The following MPZL1 variants were observed in gnomAD, a reference collection of about 807,000 sequenced individuals.
MPZL1 encodes the protein myelin protein zero-like protein 1.
A neutral mutation model predicts 29.3 loss-of-function variants in MPZL1; 16 were observed. That is an observed-to-expected ratio of 0.55 (90% CI 0.37 to 0.83). The LOEUF (loss-of-function observed/expected upper bound fraction) is 0.83, where lower values mean the gene tolerates loss of function less well. MPZL1 is among the 40% of genes least tolerant of loss of function. MPZL1 has a pLI of 0.00. For synonymous variants in MPZL1, 143 were observed against 132.0 expected (o/e 1.08, Z -0.57); for missense variants, 279 against 332.9 (o/e 0.84, Z 1.26).
chr1:167,739,274 C>CATATATATAT (rs201991698), intron 1 of MPZL1, among the ~76,000 whole-genome samples: 62 of 83,196 alleles, frequency 7.5e-4, no homozygotes, highest in South Asian at 1.1e-3. Context: ...TACATATATA[C>CATATATATAT]ATATATACAT....
intron 4 of MPZL1, among the ~76,000 whole-genome samples, chr1:167,775,503 AT>A (rs1241397850): frequency 5.3e-5 from 8 of 152,302 alleles, no homozygotes; most frequent in African/African-American, 1.9e-4. Flanking sequence ...CTAATTTCTC[AT>A]TCATGACTTC....
intron 4 of MPZL1, 158 bp downstream of exon 4, chr1:167,773,526 A>T (rs1461670067): frequency 1.3e-6 from 1 of 784,082 alleles, no homozygotes; most frequent in Non-Finnish European, 1.9e-6. Flanking sequence ...TAACATGGGC[A>T]AGTGGAAATC....
Position 167,765,668 on chromosome 1 carries a change from G to A in MPZL1, c.177G>A (p.Lys59=), listed in dbSNP as rs1229082973. 6.2e-7 allele frequency: 1 copy of A among 1,613,806 alleles called. No homozygotes were observed. Among genetic ancestry groups the A allele is most frequent in the Non-Finnish European group, 8.5e-7 (1 of 1,179,806 alleles). ...GTACACAAGGGAAGCTGACCTGCAA[G>A]TTCAAGTCTACTAGTACGACTGGCG... The part of the protein sequence containing the change: ...ANGTQGKLTC[K]FKSTSTTGGL... The change falls in exon 2 of 6, where the codon AAG becomes AAA. Residue 59 remains lysine (K), a synonymous_variant. Coordinates refer to ENST00000359523, the MANE Select transcript of MPZL1 (RefSeq NM_003953.6).
At chr1:167,723,930 C>G (rs1410042631) in intron 1 of MPZL1, among the ~76,000 whole-genome samples, 1 of 152,136 alleles carries the variant, frequency 6.6e-6, no homozygotes, top group East Asian at 1.9e-4. Flanking sequence ...ACTCAGCAAA[C>G]ATTCACTGAG....
At chr1:167,753,321 G>C (rs955231204) in intron 1 of MPZL1, among the ~76,000 whole-genome samples, 1 of 152,230 alleles carries the variant, frequency 6.6e-6, no homozygotes, top group African/African-American at 2.4e-5. Flanking sequence ...AGGAAAAGGA[G>C]GGTTACTTTG....
At chr1:167,737,965 G>C (rs559281514) in intron 1 of MPZL1, among the ~76,000 whole-genome samples, 1 of 151,986 alleles carries the variant, frequency 6.6e-6, no homozygotes, top group Non-Finnish European at 1.5e-5. Context: ...TCTTGCTCTC[G>C]CTCAGGCTGG....
At chr1:167,770,082 TGAGTA>T (rs1200480200) in intron 2 of MPZL1, among the ~76,000 whole-genome samples, 1 of 151,998 alleles carries the variant, frequency 6.6e-6, no homozygotes, top group Non-Finnish European at 1.5e-5. Flanking sequence ...GGTGGTAAAG[TGAGTA>T]GGCAAGGAGT....
chr1:167,755,008 A>G (rs550893386), intron 1 of MPZL1, among the ~76,000 whole-genome samples: 1 of 152,308 alleles, frequency 6.6e-6, no homozygotes, highest in South Asian at 2.1e-4. Context: ...TGGTGAACCT[A>G]CAGTAACACA....
At chr1:167,759,060 A>C (rs1487732873) in intron 1 of MPZL1, among the ~76,000 whole-genome samples, 1 of 152,176 alleles carries the variant, frequency 6.6e-6, no homozygotes, top group Admixed American at 6.5e-5. Context: ...TTTATTCAGG[A>C]ATCAACAGAC....
At chr1:167,756,596 CTT>C (rs1281916581) in intron 1 of MPZL1, among the ~76,000 whole-genome samples, 2 of 152,130 alleles carry the variant, frequency 1.3e-5, no homozygotes, top group Non-Finnish European at 2.9e-5. Flanking sequence ...TCTGCAGACA[CTT>C]TTTGTGTTGG....
At chr1:167,742,694 A>C (rs1216748454) in intron 1 of MPZL1, among the ~76,000 whole-genome samples, 2 of 152,140 alleles carry the variant, frequency 1.3e-5, no homozygotes, top group Non-Finnish European at 2.9e-5. Flanking sequence ...GGTCTTGGTC[A>C]TGAAGTCTTT....
intron 5 of MPZL1, among the ~76,000 whole-genome samples, chr1:167,785,112 C>T (rs570080251): frequency 3.3e-5 from 5 of 152,308 alleles, no homozygotes; most frequent in East Asian, 1.9e-4. Flanking sequence ...GCTTAAAACA[C>T]GCACTATTTA....
At position 167,791,820 on chromosome 1, in the gene MPZL1, T is replaced by C. The variant is rs1261902380; in HGVS notation, c.*3899T>C. The C allele has an allele frequency of 2.1e-5, 3 of 140,454 alleles. No homozygotes were observed. In the East Asian group the frequency reaches 6.6e-4, roughly 31 times the overall value. The allele number at this position is 140,454 out of a possible 1,614,324, so 8.7% of individuals were successfully genotyped here. A position where few individuals can be genotyped will look rare whatever the true frequency, so the allele number is the denominator to read the frequency against. On this transcript the variant is annotated 3_prime_UTR_variant, in exon 6 of 6. Coordinates refer to ENST00000359523, the MANE Select transcript of MPZL1 (RefSeq NM_003953.6). ...AGTCTAGGTGGTAGGCACAGATGTC[T>C]GAGAGCTTTAACCTCAGTCTGGAAG...
chr1:167,764,093 T>C (rs1298801726), intron 1 of MPZL1, among the ~76,000 whole-genome samples: 2 of 152,226 alleles, frequency 1.3e-5, no homozygotes, highest in Non-Finnish European at 2.9e-5. Context: ...ATTCTAAGAA[T>C]TATTGCAACA....
chr1:167,755,508 T>C (rs944103256), intron 1 of MPZL1, among the ~76,000 whole-genome samples: 3 of 152,242 alleles, frequency 2.0e-5, no homozygotes, highest in African/African-American at 4.8e-5. Context: ...GCTTTCAACA[T>C]GTTCTTTATG....
chr1:167,733,552 C>G (rs1660311559), intron 1 of MPZL1, among the ~76,000 whole-genome samples: 1 of 151,914 alleles, frequency 6.6e-6, no homozygotes, highest in Non-Finnish European at 1.5e-5. Context: ...CAAGACCAGG[C>G]TGGTCAACAT....
intron 3 of MPZL1, among the ~76,000 whole-genome samples, 198 bp from the exon 4 acceptor site, chr1:167,773,038 T>G (rs1274090594): frequency 6.6e-6 from 1 of 152,244 alleles, no homozygotes; most frequent in African/African-American, 2.4e-5. Flanking sequence ...CTTAGTTCCA[T>G]AGTTCATTCT....
chr1:167,774,088 G>C lies in MPZL1; in HGVS notation c.605+720G>C, dbSNP rs148255761. Among the ~76,000 whole-genome samples, 58 of 152,304 alleles carry C rather than the reference G, an allele frequency of 3.8e-4. 1 individual carries two copies. In the East Asian group the frequency reaches 8.3e-3, roughly 22 times the overall value. ...CACCCAAAATGGGATAATAAGAATTGATGACAAAATATATCAGCAATAAAG... is the reference window on the plus strand; with the variant it reads ...CACCCAAAATGGGATAATAAGAATTCATGACAAAATATATCAGCAATAAAG... On this transcript the variant is annotated intron_variant, in intron 4 of 5. Coordinates refer to ENST00000359523, the MANE Select transcript of MPZL1 (RefSeq NM_003953.6).
At chr1:167,743,605 T>C (rs1660582717) in intron 1 of MPZL1, among the ~76,000 whole-genome samples, 1 of 144,818 alleles carries the variant, frequency 6.9e-6, no homozygotes, top group Non-Finnish European at 1.6e-5. Flanking sequence ...GTTTTCCTTG[T>C]AGAAGTGTTT....
Sources: gnomAD v4.1 joint callset for allele counts (sites outside exome capture counted in the v4.1 genomes callset) on GRCh38, gnomAD v4.1.1 for gene constraint, MANE v1.5 for transcripts, NCBI Gene and HGNC (gene_info 2026-07-23, HGNC 2026-07-21) for gene names.